Variants in NRG3 observed in about 807,000 individuals in gnomAD.
The protein encoded by NRG3 is neuregulin 3, also known as pro-neuregulin-3, membrane-bound isoform.
NRG3 carries 31 observed loss-of-function variants against 66.9 expected under a neutral mutation model. The ratio of observed to expected loss-of-function variants is 0.46; its 90% CI spans 0.35 to 0.63. The LOEUF (loss-of-function observed/expected upper bound fraction) is 0.63, where lower values mean the gene tolerates loss of function less well. Ranked by LOEUF, NRG3 falls within the 20% of genes least tolerant of loss-of-function variation. The pLI, the probability that NRG3 is intolerant of heterozygous loss-of-function variation, is 0.00. For synonymous variants in NRG3, 393 were observed against 359.4 expected, an observed-to-expected ratio of 1.09 and a Z score of -1.06; for missense variants, 910 against 878.9, an observed-to-expected ratio of 1.04 and a Z score of -0.45.
At chr10:82,399,717 G>C (rs977215557) in intron 2 of NRG3, among the ~76,000 whole-genome samples, 2 of 152,140 alleles carry the variant, frequency 1.3e-5, no homozygotes, top group Non-Finnish European at 2.9e-5. Flanking sequence ...CTAATTGGGG[G>C]TTAGAGTTTC....
At chr10:82,552,692 A>C (rs1757429504) in intron 2 of NRG3, among the ~76,000 whole-genome samples, 1 of 152,160 alleles carries the variant, frequency 6.6e-6, no homozygotes, top group Non-Finnish European at 1.5e-5. Flanking sequence ...CAAGCTTACT[A>C]ATCAAATTTT....
intron 2 of NRG3, among the ~76,000 whole-genome samples, chr10:82,506,482 G>A (rs1844690940): frequency 6.6e-6 from 1 of 151,996 alleles, no homozygotes; most frequent in Non-Finnish European, 1.5e-5. Context: ...AAACACAAAT[G>A]CCACTGCTTG....
intron 1 of NRG3, among the ~76,000 whole-genome samples, chr10:81,918,287 A>C (rs1202163975): frequency 6.6e-6 from 1 of 152,190 alleles, no homozygotes; most frequent in Non-Finnish European, 1.5e-5. Context: ...TTATAGGTCA[A>C]GGACTAGTTT....
chr10:82,877,797 C>G (rs1308119243), intron 4 of NRG3, among the ~76,000 whole-genome samples: 3 of 152,068 alleles, frequency 2.0e-5, no homozygotes, highest in Non-Finnish European at 4.4e-5. Flanking sequence ...CAAACATATA[C>G]AGGATATTAA....
At chr10:82,198,822 C>A (rs1406931977) in intron 1 of NRG3, among the ~76,000 whole-genome samples, 1 of 151,934 alleles carries the variant, frequency 6.6e-6, no homozygotes, top group South Asian at 2.1e-4. Flanking sequence ...CATGGTGAAA[C>A]CCCGTCTCTA....
intron 2 of NRG3, among the ~76,000 whole-genome samples, chr10:82,623,674 A>G (rs1182077927): frequency 6.6e-6 from 1 of 152,180 alleles, no homozygotes; most frequent in East Asian, 1.9e-4. Context: ...GGAGACAGAA[A>G]TGTGCAATGT....
At chr10:82,898,088 A>G (rs1843833723) in intron 4 of NRG3, among the ~76,000 whole-genome samples, 1 of 152,126 alleles carries the variant, frequency 6.6e-6, no homozygotes, top group African/African-American at 2.4e-5. Flanking sequence ...TGTGCCAGAG[A>G]GTCAGTGCCC....
In NRG3 at chr10:82,682,127, C is replaced by T. The variant is rs145672372; in HGVS notation, c.954-56450C>T. ...GAGAATAAAAGGTTCAGAAAGGTGACTAGAGTAGGAGGAGGAAAACAAAGA... is the reference window on the plus strand; with the variant it reads ...GAGAATAAAAGGTTCAGAAAGGTGATTAGAGTAGGAGGAGGAAAACAAAGA... On this transcript the variant is annotated intron_variant, in intron 2 of 8. Coordinates refer to ENST00000372141, the MANE Select transcript of NRG3 (RefSeq NM_001010848.4). 2.9e-3 allele frequency among the ~76,000 whole-genome samples: 449 copies of T among 152,326 alleles called. 5 individuals carry two copies. The highest frequency in any genetic ancestry group is 0.01 in the African/African-American group (423 of 41,566).
intron 1 of NRG3, among the ~76,000 whole-genome samples, chr10:82,072,796 T>G (rs2064881311): frequency 6.6e-6 from 1 of 152,078 alleles, no homozygotes; most frequent in Non-Finnish European, 1.5e-5. Flanking sequence ...AGACAGGGTC[T>G]TGCTCCATGG....
intron 2 of NRG3, among the ~76,000 whole-genome samples, chr10:82,561,484 T>C (rs1275146991): frequency 6.6e-6 from 1 of 152,134 alleles, no homozygotes; most frequent in Non-Finnish European, 1.5e-5. Context: ...AAACCTCGCC[T>C]CTACCAAAAA....
intron 2 of NRG3, among the ~76,000 whole-genome samples, chr10:82,678,190 C>T (rs1217180398): frequency 1.3e-5 from 2 of 152,196 alleles, no homozygotes; most frequent in African/African-American, 4.8e-5. Flanking sequence ...TCCCTGGTCA[C>T]TCACATCCGT....
chr10:82,140,626 G>A (rs1124304), intron 1 of NRG3, among the ~76,000 whole-genome samples: 81,133 of 151,922 alleles, frequency 0.53, 23,312 homozygotes, highest in Middle Eastern at 0.66. Flanking sequence ...CAGGTACTTA[G>A]GAGGGTAAGG....
At chr10:82,249,201 A>G (rs2077376927) in intron 1 of NRG3, among the ~76,000 whole-genome samples, 1 of 152,120 alleles carries the variant, frequency 6.6e-6, no homozygotes, top group African/African-American at 2.4e-5. Flanking sequence ...CTAGATTATA[A>G]ACTCCTTGGG....
At chr10:82,061,609 C>G (rs1004519838) in intron 1 of NRG3, among the ~76,000 whole-genome samples, 39 of 152,212 alleles carry the variant, frequency 2.6e-4, no homozygotes, top group Admixed American at 1.2e-3. Flanking sequence ...GGCTTTCTAC[C>G]AGTTTCCTTT....
At chr10:82,552,949 A>G (rs931563181) in intron 2 of NRG3, among the ~76,000 whole-genome samples, 7 of 151,902 alleles carry the variant, frequency 4.6e-5, no homozygotes, top group Admixed American at 1.3e-4. Context: ...ATAGTTGACA[A>G]TGTACCTCCA....
chr10:82,257,461 CA>C (rs757748759), intron 1 of NRG3, among the ~76,000 whole-genome samples: 96 of 147,792 alleles, frequency 6.5e-4, no homozygotes, highest in Middle Eastern at 3.5e-3. Flanking sequence ...TTTATAAATA[CA>C]AAAAAAAAAG....
intron 2 of NRG3, among the ~76,000 whole-genome samples, chr10:82,682,417 A>G (rs2054174395): frequency 6.6e-6 from 1 of 152,102 alleles, no homozygotes; most frequent in African/African-American, 2.4e-5. Flanking sequence ...AGATAGATAG[A>G]TAGATAGATA....
Position 82,184,180 on chromosome 10 carries a change from A to G in NRG3, c.824-174559A>G, listed in dbSNP as rs148730437. Among the ~76,000 whole-genome samples the G allele has an allele frequency of 5.9e-3, 902 of 152,282 alleles. 8 individuals carry two copies. Among genetic ancestry groups the G allele is most frequent in the African/African-American group, 0.021 (878 of 41,570 alleles). On this transcript the variant is annotated intron_variant, in intron 1 of 8. Coordinates refer to ENST00000372141, the MANE Select transcript of NRG3 (RefSeq NM_001010848.4). ...ACTATTTTTATAATAATGCTAAGAT[A>G]TTATTTACACTTTTCACTGTCTTGA... is the stretch of plus-strand genomic sequence containing the variant.
chr10:82,808,637 G>A (rs2135486941), intron 3 of NRG3, among the ~76,000 whole-genome samples: 1 of 152,148 alleles, frequency 6.6e-6, no homozygotes, highest in South Asian at 2.1e-4. Context: ...AGCTTTTTCT[G>A]CAATGACAAA....
Sources: allele counts gnomAD v4.1 joint callset (sites outside exome capture counted in the v4.1 genomes callset), GRCh38; gene constraint gnomAD v4.1.1; transcripts MANE v1.5; gene names NCBI Gene and HGNC (gene_info 2026-07-23, HGNC 2026-07-21).